The following ADGRG1 variants were observed in gnomAD, a reference collection of about 807,000 sequenced individuals.
The protein encoded by ADGRG1 is 7-transmembrane protein with no EGF-like N-terminal domains-1.
A neutral mutation model predicts 73.5 loss-of-function variants in ADGRG1; 53 were observed. The observed-to-expected ratio is 0.72, with a 90% CI of 0.58 to 0.91. The LOEUF is 0.91. ADGRG1 is among the 40% of genes least tolerant of loss of function. ADGRG1 has a pLI of 0.00. For missense variants in ADGRG1, 795 were observed against 871.8 expected, an observed-to-expected ratio of 0.91 and a Z score of 1.11; for synonymous variants, 394 against 374.4, an observed-to-expected ratio of 1.05 and a Z score of -0.60.
Position 57,663,591 on chromosome 16 carries a change from C to A in ADGRG1, c.*9C>A, listed in dbSNP as rs374394347. ...CGTCCAGCCGCATCTAGGCCTCCAGCCCACCTGCCCATGTGATGAAGCAGA... is the reference window on the plus strand; with the variant it reads ...CGTCCAGCCGCATCTAGGCCTCCAGACCACCTGCCCATGTGATGAAGCAGA... On this transcript the variant is annotated 3_prime_UTR_variant, in exon 14 of 14. Transcript: ENST00000562631. 6.2e-7 allele frequency: 1 copy of A among 1,611,984 alleles called. No homozygotes were observed. The highest frequency in any genetic ancestry group is 8.5e-7 in the Non-Finnish European group (1 of 1,179,708).
intron 1 of ADGRG1, chr16:57,630,499 G>A: frequency 2.0e-6 from 2 of 985,714 alleles, no homozygotes; most frequent in Non-Finnish European, 2.4e-6. Context: ...GATCACAGCT[G>A]CCCTGGCTCC....
chr16:57,647,399 G>A, intron 1 of ADGRG1: 1 of 985,034 alleles, frequency 1.0e-6, no homozygotes, highest in East Asian at 1.1e-4. Context: ...GCCTGTGACA[G>A]GCCCAGGGGG....
intron 13 of ADGRG1, 54 bp downstream of exon 13, chr16:57,662,019 G>T: frequency 1.4e-6 from 2 of 1,422,040 alleles, no homozygotes; most frequent in Non-Finnish European, 2.0e-6. Context: ...CATGGAGCAA[G>T]GGCAGGGAAG....
chr16:57,632,224 C>G, intron 1 of ADGRG1: 1 of 985,460 alleles, frequency 1.0e-6, no homozygotes, highest in Non-Finnish European at 1.2e-6. Context: ...CAGGCACATG[C>G]TCGTGTCTTG....
At chr16:57,623,729 C>G (rs563032391), upstream of ADGRG1, 26 of 920,134 alleles carry the variant, frequency 2.8e-5, no homozygotes, top group South Asian at 1.2e-3. Flanking sequence ...ACATGTGCAA[C>G]GCAATCCCTG....
upstream of ADGRG1, chr16:57,628,159 C>T (rs1438071257): frequency 2.0e-6 from 2 of 985,352 alleles, no homozygotes; most frequent in Non-Finnish European, 2.4e-6. Context: ...GACTGCCTTC[C>T]GCTCTGCCGG....
intron 13 of ADGRG1, among the ~76,000 whole-genome samples, chr16:57,662,736 T>C (rs1432915392): frequency 2.0e-5 from 3 of 152,096 alleles, no homozygotes; most frequent in African/African-American, 7.2e-5. Flanking sequence ...TCATGATGGC[T>C]CTGGCTTGAT....
At chr16:57,653,773 C>G (rs1240327027) in intron 4 of ADGRG1, 1 of 980,550 alleles carries the variant, frequency 1.0e-6, no homozygotes, top group Non-Finnish European at 1.2e-6. Flanking sequence ...TGACCCTACC[C>G]CAGCTCATTC....
At chr16:57,653,387 T>C in intron 4 of ADGRG1, 52 bp downstream of exon 4, 1 of 1,599,814 alleles carries the variant, frequency 6.3e-7, no homozygotes, top group Non-Finnish European at 8.5e-7. Flanking sequence ...ATCAGAGATC[T>C]GGACCTGGGC....
chr16:57,637,577 G>A (rs2039682283), intron 1 of ADGRG1: 1 of 985,290 alleles, frequency 1.0e-6, no homozygotes, highest in Non-Finnish European at 1.2e-6. Context: ...GCCTTTCCGG[G>A]AGAAGGTTTC....
chr16:57,655,316 T>G, intron 5 of ADGRG1, 83 bp from the exon 6 acceptor site: 1 of 1,508,142 alleles, frequency 6.6e-7, no homozygotes, highest in Non-Finnish European at 8.8e-7. Context: ...CAGGAACGGA[T>G]GGGTGTGTGT....
chr16:57,646,325 G>A lies in ADGRG1; in HGVS notation c.-35-3928G>A, dbSNP rs1483122989. ...GAGGGGCAGGGCTGAGCCAGGTCTG[G>A]AGCTGGAGCCCTGGGGGTGGGGCGG... On this transcript the variant is annotated intron_variant, in intron 1 of 13. Transcript: ENST00000562631. 3.2e-6 allele frequency: 3 copies of A among 940,478 alleles called. No individual in the cohort carries two copies. In the African/African-American group the frequency reaches 5.3e-5, roughly 17 times the overall value. 58.3% of individuals were successfully genotyped at this position (940,478 alleles called of 1,614,324 possible). A position where few individuals can be genotyped will look rare whatever the true frequency, so the allele number is the denominator to read the frequency against.
intron 1 of ADGRG1, chr16:57,641,500 C>T: frequency 4.1e-6 from 4 of 985,354 alleles, no homozygotes; most frequent in Non-Finnish European, 4.8e-6. Flanking sequence ...GCTGGTGTCC[C>T]CAGTGCCTTC....
rs2047989248 is a variant in ADGRG1 at position 57,664,982 on chromosome 16, G to C, written c.*1400G>C. 1 of 152,844 alleles carries C rather than the reference G, an allele frequency of 6.5e-6. No individual in the cohort carries two copies. The highest frequency in any genetic ancestry group is 1.5e-5 in the Non-Finnish European group (1 of 68,034). The allele number at this position is 152,844 out of a possible 1,614,324, so 9.5% of individuals were successfully genotyped here. A position where few individuals can be genotyped will look rare whatever the true frequency, so the allele number is the denominator to read the frequency against. Reference sequence around the variant, plus strand: ...TAGAGAATTTGGAAACTGTAGAAGAGAATCAAGAAGAAAAATAAAAATCAG... The same window carrying C: ...TAGAGAATTTGGAAACTGTAGAAGACAATCAAGAAGAAAAATAAAAATCAG... On this transcript the variant is annotated 3_prime_UTR_variant, in exon 14 of 14. Transcript: ENST00000562631.
Position 57,651,416 on chromosome 16 carries a change from G to A in ADGRG1, c.281G>A (p.Trp94Ter), listed in dbSNP as rs2044064414. ...PRGLYHFCLY[W>*]NRHAGRLHLL... Reference sequence around the variant, plus strand: ...GGCCTCTACCACTTCTGCCTCTACTGGAACCGACATGCTGGGAGATTACAT... The same window carrying A: ...GGCCTCTACCACTTCTGCCTCTACTAGAACCGACATGCTGGGAGATTACAT... The change falls in exon 3 of 14, where the codon TGG becomes TAG. Residue 94 changes from tryptophan (W) to a stop codon, truncating the protein, a stop_gained. Coordinates refer to ENST00000562631, the MANE Select transcript of ADGRG1 (RefSeq NM_201525.4). LOFTEE classifies it high-confidence loss of function. The A allele has an allele frequency of 1.9e-6, 3 of 1,614,186 alleles. No individual in the cohort carries two copies. Among genetic ancestry groups the A allele is most frequent in the Non-Finnish European group, 2.5e-6 (3 of 1,180,032 alleles).
intron 13 of ADGRG1, among the ~76,000 whole-genome samples, chr16:57,662,457 G>A (rs1177494156): frequency 6.6e-6 from 1 of 152,182 alleles, no homozygotes; most frequent in African/African-American, 2.4e-5. Context: ...ACCAGCAGCA[G>A]CAGCGTTGTT....
At chr16:57,638,038 A>G (rs1299898252) in intron 1 of ADGRG1, among the ~76,000 whole-genome samples, 1 of 152,164 alleles carries the variant, frequency 6.6e-6, no homozygotes, top group Non-Finnish European at 1.5e-5. Context: ...GGGGCGTACC[A>G]CAGTTTTTAT....
In ADGRG1 at chr16:57,663,581, A is replaced by T; in HGVS notation, c.2063A>T (p.Ter688LeuextTer123). The T allele has an allele frequency of 1.9e-6, 3 of 1,613,068 alleles. No individual in the cohort carries two copies. The highest frequency in any genetic ancestry group is 2.5e-6 in the Non-Finnish European group (3 of 1,179,956). ...SSGSTSSSRI[*>L] ...GGCAGCACCTCGTCCAGCCGCATCT[A>T]GGCCTCCAGCCCACCTGCCCATGTG... The change falls in exon 14 of 14, where the codon TAG becomes TTG. Residue 688 changes from the stop codon to leucine (L), a stop_lost. Transcript: ENST00000562631.
upstream of ADGRG1, chr16:57,625,581 C>T: frequency 1.0e-6 from 1 of 984,464 alleles, no homozygotes; most frequent in Non-Finnish European, 1.2e-6. Context: ...ATTGCTGGTA[C>T]AAGTCCCTGG....
Sources: gnomAD v4.1 joint callset for allele counts (sites outside exome capture counted in the v4.1 genomes callset) on GRCh38, gnomAD v4.1.1 for gene constraint, MANE v1.5 for transcripts, NCBI Gene and HGNC (gene_info 2026-07-23, HGNC 2026-07-21) for gene names.